The following UBE2D3 variants were observed in gnomAD, a reference collection of about 807,000 sequenced individuals.
UBE2D3 encodes ubiquitin-conjugating enzyme E2 D3.
UBE2D3 carries 2 observed loss-of-function variants against 22.8 expected under a neutral mutation model. The ratio of observed to expected loss-of-function variants is 0.09; its 90% CI spans 0.04 to 0.28. The LOEUF (loss-of-function observed/expected upper bound fraction) is 0.28, where lower values mean the gene tolerates loss of function less well. Among genes scored for constraint, UBE2D3 ranks in the 10% least tolerant of loss-of-function variants. UBE2D3 has a pLI of 1.00. For missense variants in UBE2D3, 27 were observed against 182.5 expected, an observed-to-expected ratio of 0.15 and a Z score of 4.91; for synonymous variants, 56 against 60.4, an observed-to-expected ratio of 0.93 and a Z score of 0.34.
intron 1 of UBE2D3, among the ~76,000 whole-genome samples, chr4:102,845,743 T>A (rs1169333600): frequency 6.6e-6 from 1 of 152,214 alleles, no homozygotes; most frequent in African/African-American, 2.4e-5. Context: ...TTCTCTCCTT[T>A]GACTTATTTT....
intron 4 of UBE2D3, among the ~76,000 whole-genome samples, chr4:102,806,018 G>C (rs972852977): frequency 6.6e-6 from 1 of 152,150 alleles, no homozygotes; most frequent in Non-Finnish European, 1.5e-5. Flanking sequence ...CTTAGTTCAT[G>C]ATGTTATCTT....
At chr4:102,804,759 C>G (rs1417262753) in intron 4 of UBE2D3, among the ~76,000 whole-genome samples, 1 of 152,198 alleles carries the variant, frequency 6.6e-6, no homozygotes, top group Non-Finnish European at 1.5e-5. Flanking sequence ...CTGCAACCCT[C>G]TGCCTCCTGG....
At chr4:102,826,924 C>T in intron 1 of UBE2D3, 12 of 1,013,904 alleles carry the variant, frequency 1.2e-5, no homozygotes, top group Non-Finnish European at 1.4e-5. Flanking sequence ...CGGAGCCCAG[C>T]AGAGGAGGAG....
chr4:102,809,160 C>A (rs1335129153), intron 4 of UBE2D3: 3 of 327,394 alleles, frequency 9.2e-6, no homozygotes, highest in East Asian at 8.7e-5. Context: ...AGTTGCTTAT[C>A]TACCCAGGAT....
At chr4:102,842,409 G>A (rs899892650) in intron 1 of UBE2D3, among the ~76,000 whole-genome samples, 22 of 151,942 alleles carry the variant, frequency 1.4e-4, no homozygotes, top group Admixed American at 1.2e-3. Flanking sequence ...ACAAACAAAC[G>A]CTGGGCATGG....
intron 1 of UBE2D3, among the ~76,000 whole-genome samples, chr4:102,855,550 A>G (rs974100191): frequency 6.6e-6 from 1 of 152,152 alleles, no homozygotes; most frequent in Non-Finnish European, 1.5e-5. Context: ...CCTTCTTGCT[A>G]GCTGGGATTA....
chr4:102,808,518 A>T (rs531216265), intron 4 of UBE2D3, among the ~76,000 whole-genome samples: 10 of 152,266 alleles, frequency 6.6e-5, no homozygotes, highest in African/African-American at 2.2e-4. Context: ...GCCATGTCTT[A>T]CTTTGATTTA....
At chr4:102,855,361 T>G (rs1320297510) in intron 1 of UBE2D3, among the ~76,000 whole-genome samples, 2 of 152,216 alleles carry the variant, frequency 1.3e-5, no homozygotes, top group Admixed American at 6.5e-5. Context: ...CAACAAATTC[T>G]ACAACATGTA....
At chr4:102,809,400 G>A (rs930368448) in intron 4 of UBE2D3, 1 of 441,930 alleles carries the variant, frequency 2.3e-6, no homozygotes, top group Non-Finnish European at 4.2e-6. Flanking sequence ...TTTACACAGT[G>A]CTATGTAGAA....
At chr4:102,853,314 C>T (rs994921320) in intron 1 of UBE2D3, among the ~76,000 whole-genome samples, 1 of 151,540 alleles carries the variant, frequency 6.6e-6, no homozygotes, top group East Asian at 1.9e-4. Flanking sequence ...ACATCTTTAA[C>T]TTAGCAATCT....
upstream of UBE2D3, among the ~76,000 whole-genome samples, chr4:102,828,682 ATTAGT>A (rs1730928010): frequency 6.6e-6 from 1 of 152,214 alleles, no homozygotes; most frequent in South Asian, 2.1e-4. Flanking sequence ...GTTGAGACTA[ATTAGT>A]TAATTAGGTA....
chr4:102,827,669 T>C (rs1186690277), upstream of UBE2D3: 2 of 986,240 alleles, frequency 2.0e-6, no homozygotes, highest in Non-Finnish European at 2.4e-6. Context: ...GCCAGACGGC[T>C]TGCTTCCCAC....
chr4:102,848,954 T>G (rs1377934998), intron 1 of UBE2D3, among the ~76,000 whole-genome samples: 2 of 151,404 alleles, frequency 1.3e-5, no homozygotes, highest in Non-Finnish European at 2.9e-5. Context: ...TGTGTGTGTG[T>G]GTGTGTGTGT....
chr4:102,811,777 G>A (rs1241581335), intron 2 of UBE2D3: 2 of 449,486 alleles, frequency 4.4e-6, no homozygotes, highest in Admixed American at 4.9e-5. Context: ...ATACAACAGA[G>A]AAGCAGAGGC....
rs527735905 is a variant in UBE2D3 at position 102,825,778 on chromosome 4, A to C, written c.24+707T>G. The C allele has an allele frequency of 2.2e-5, 10 of 461,664 alleles. No homozygotes were observed. The East Asian group carries it at 6.9e-4, about 32-fold the overall frequency. 28.6% of individuals were successfully genotyped at this position (461,664 alleles called of 1,614,324 possible). On this transcript the variant is annotated intron_variant, in intron 2 of 7. Transcript: ENST00000453744. ...TATCCACCCCCACTCTCCAGCCAAA[A>C]GGAAAAGGGAGCTTCCAGAATGCCT...
At chr4:102,863,888 A>G (rs1201275545) in intron 1 of UBE2D3, among the ~76,000 whole-genome samples, 1 of 152,226 alleles carries the variant, frequency 6.6e-6, no homozygotes, top group East Asian at 1.9e-4. Flanking sequence ...TAAGCATTTT[A>G]TATTAGTAAC....
At chr4:102,810,630 C>T (rs553316270) in intron 2 of UBE2D3, 2 of 151,936 alleles carry the variant, frequency 1.3e-5, no homozygotes, top group East Asian at 1.9e-4. Flanking sequence ...GAAATTCTGA[C>T]CCTGAAGAGC....
intron 1 of UBE2D3, among the ~76,000 whole-genome samples, chr4:102,853,646 A>T (rs1359683976): frequency 6.6e-6 from 1 of 152,118 alleles, no homozygotes; most frequent in Admixed American, 6.6e-5. Context: ...AATATCTGGG[A>T]AGGTATGCAA....
chr4:102,797,303 TAAA>T lies in UBE2D3; in HGVS notation c.*109_*111del, dbSNP rs1318061787. 10 of 884,186 alleles carry T rather than the reference TAAA, an allele frequency of 1.1e-5. No individual in the cohort carries two copies. In the East Asian group the frequency reaches 2.6e-4, roughly 23 times the overall value. The allele number at this position is 884,186 out of a possible 1,614,324, so 54.8% of individuals were successfully genotyped here. A position where few individuals can be genotyped will look rare whatever the true frequency, so the allele number is the denominator to read the frequency against. ...GAGGGAGGTAAACAAAAAATAAAAT[TAAA>T]AAAGATGAGGTCTGATAGGGGAGCA... On this transcript the variant is annotated 3_prime_UTR_variant, in exon 8 of 8. Transcript: ENST00000453744.
Sources: allele counts gnomAD v4.1 joint callset (sites outside exome capture counted in the v4.1 genomes callset), GRCh38; gene constraint gnomAD v4.1.1; transcripts MANE v1.5; gene names NCBI Gene and HGNC (gene_info 2026-07-23, HGNC 2026-07-21).